Variants in TSG101 observed in about 807,000 individuals in gnomAD.
TSG101 encodes tumor susceptibility 101.
Under a neutral mutation model 48.5 loss-of-function variants are expected in TSG101, and 19 were observed. The observed-to-expected ratio is 0.39, with a 90% CI of 0.27 to 0.58. The LOEUF (loss-of-function observed/expected upper bound fraction) is 0.58. TSG101 is among the 20% of genes least tolerant of loss of function. The probability of loss-of-function intolerance (pLI) is 0.55; values close to 1 mark genes in which losing one functional copy is unlikely to be tolerated. For missense variants in TSG101, 365 were observed against 484.4 expected, an observed-to-expected ratio of 0.75 and a Z score of 2.31; for synonymous variants, 174 against 169.4, an observed-to-expected ratio of 1.03 and a Z score of -0.21.
At chr11:18,481,153 T>G (rs1849531790) in intron 9 of TSG101, among the ~76,000 whole-genome samples, 4 of 152,220 alleles carry the variant, frequency 2.6e-5, no homozygotes, top group Admixed American at 2.6e-4. Context: ...GATTTTCCTC[T>G]GTACAACAGC....
At chr11:18,487,881 TA>T (rs1849643697) in intron 7 of TSG101, among the ~76,000 whole-genome samples, 2 of 151,996 alleles carry the variant, frequency 1.3e-5, no homozygotes, top group Non-Finnish European at 2.9e-5. Flanking sequence ...TTTTTTTTTG[TA>T]TTTGGGTATT....
rs924147201 is a variant in TSG101, at chr11:18,514,618, G to C, written c.357+60C>G. The C allele has an allele frequency of 4.3e-6, 6 of 1,405,160 alleles. No homozygotes were observed. The African/African-American group carries it at 7.5e-5, about 17-fold the overall frequency. 87.0% of individuals were successfully genotyped at this position (1,405,160 alleles called of 1,614,324 possible). On this transcript the variant is annotated intron_variant, in intron 4 of 9. Transcript: ENST00000251968. ...CCTCCTTGAGTGCTAAAAGAAAGCA[G>C]ATGCTAGTGAGCAAAATATATAAAA...
intron 1 of TSG101, among the ~76,000 whole-genome samples, chr11:18,526,404 G>A (rs975541729): frequency 6.6e-6 from 1 of 152,164 alleles, no homozygotes; most frequent in East Asian, 1.9e-4. Context: ...AGGAGTAGAG[G>A]ATTGCCTCAG....
chr11:18,485,468 G>A (rs1246678842), intron 7 of TSG101, among the ~76,000 whole-genome samples: 1 of 152,142 alleles, frequency 6.6e-6, no homozygotes, highest in African/African-American at 2.4e-5. Flanking sequence ...ATGATCTCCT[G>A]AAATCAACAG....
In TSG101 at chr11:18,514,854, T is replaced by G. The variant is rs1036848114; in HGVS notation, c.194-13A>C. ...TTGTATGTATTACCTGAAAAAGAAA[T>G]AGAAACTTCAGTTACTCTATTTTTA... On this transcript the variant is annotated splice_polypyrimidine_tract_variant and intron_variant, in intron 3 of 9. Coordinates refer to ENST00000251968, the MANE Select transcript of TSG101 (RefSeq NM_006292.4). 10 of 1,527,800 alleles carry G rather than the reference T, an allele frequency of 6.5e-6. No individual in the cohort carries two copies. The Admixed American group carries it at 1.0e-4, about 16-fold the overall frequency. 94.6% of individuals were successfully genotyped at this position (1,527,800 alleles called of 1,614,324 possible).
At chr11:18,504,025 G>A (rs528963769) in intron 6 of TSG101, among the ~76,000 whole-genome samples, 5 of 151,936 alleles carry the variant, frequency 3.3e-5, no homozygotes, top group East Asian at 3.9e-4. Flanking sequence ...ACAACATGGC[G>A]AAACCATTTC....
At chr11:18,487,035 T>A (rs1314508535) in intron 7 of TSG101, among the ~76,000 whole-genome samples, 1 of 147,704 alleles carries the variant, frequency 6.8e-6, no homozygotes, top group African/African-American at 2.5e-5. Context: ...AACCAAACAC[T>A]GCATGTTCTC....
At chr11:18,521,784 C>T (rs1850282769) in intron 1 of TSG101, among the ~76,000 whole-genome samples, 1 of 150,080 alleles carries the variant, frequency 6.7e-6, no homozygotes, top group African/African-American at 2.5e-5. Flanking sequence ...TCAAGCAATC[C>T]TCCCATCTCA....
chr11:18,517,116 G>C (rs914004248), intron 2 of TSG101, among the ~76,000 whole-genome samples: 1 of 151,696 alleles, frequency 6.6e-6, no homozygotes, highest in Non-Finnish European at 1.5e-5. Context: ...TCAAACTCTA[G>C]GCTCAAGCAA....
rs564546749 is a variant in TSG101 at position 18,512,655 on chromosome 11, G to C, written c.357+2023C>G. On this transcript the variant is annotated intron_variant, in intron 4 of 9. Transcript: ENST00000251968. ...TCTATATATTATCTTCTTCCAGCAA[G>C]GGTTCACCCTATCCTGTGGCAGGCA... 3.3e-5 allele frequency among the ~76,000 whole-genome samples: 5 copies of C among 151,724 alleles called. No homozygotes were observed. The South Asian group carries it at 1.0e-3, about 32-fold the overall frequency.
At chr11:18,523,602 A>G (rs1850316943) in intron 1 of TSG101, among the ~76,000 whole-genome samples, 1 of 152,162 alleles carries the variant, frequency 6.6e-6, no homozygotes, top group African/African-American at 2.4e-5. Flanking sequence ...TCCCAGGTTC[A>G]GGCAATTCTC....
chr11:18,482,530 A>G (rs1227592406), intron 8 of TSG101, among the ~76,000 whole-genome samples: 1 of 152,190 alleles, frequency 6.6e-6, no homozygotes, highest in East Asian at 1.9e-4. Flanking sequence ...ATTCTCCCTC[A>G]TGGGGATGAA....
At chr11:18,499,453 C>T (rs1849853313) in intron 7 of TSG101, among the ~76,000 whole-genome samples, 1 of 98,172 alleles carries the variant, frequency 1.0e-5, no homozygotes, top group Non-Finnish European at 1.9e-5. Context: ...CTCTATTGCC[C>T]AGGCTGGAGT....
chr11:18,503,821 C>A (rs956885292), intron 6 of TSG101, among the ~76,000 whole-genome samples: 3 of 152,092 alleles, frequency 2.0e-5, no homozygotes, highest in Non-Finnish European at 4.4e-5. Context: ...GTTAGTTAGA[C>A]AATAAATCTC....
chr11:18,510,161 C>A (rs189115888), intron 4 of TSG101, among the ~76,000 whole-genome samples: 17 of 152,300 alleles, frequency 1.1e-4, no homozygotes, highest in Admixed American at 9.8e-4. Flanking sequence ...TGGTTCACAC[C>A]TGTAATCCCA....
chr11:18,494,237 G>T (rs1230555233), intron 7 of TSG101, among the ~76,000 whole-genome samples: 1 of 152,158 alleles, frequency 6.6e-6, no homozygotes. Flanking sequence ...CATAAAAGAT[G>T]AAAGATGCTA....
chr11:18,502,007 G>A (rs1424115854), intron 7 of TSG101, among the ~76,000 whole-genome samples: 2 of 152,236 alleles, frequency 1.3e-5, no homozygotes, highest in Non-Finnish European at 2.9e-5. Flanking sequence ...GAAGGCTGGA[G>A]TCTAAAGAAA....
rs1250053332 is a variant in TSG101, at chr11:18,508,867, C to T, written c.481+675G>A. The T allele has an allele frequency of 2.0e-5, 3 of 148,394 alleles. No homozygotes were observed. In the East Asian group the frequency reaches 5.8e-4, roughly 29 times the overall value. The allele number at this position is 148,394 out of a possible 1,614,324, so 9.2% of individuals were successfully genotyped here. A position where few individuals can be genotyped will look rare whatever the true frequency, so the allele number is the denominator to read the frequency against. On this transcript the variant is annotated intron_variant, in intron 5 of 9. Coordinates refer to ENST00000251968, the MANE Select transcript of TSG101 (RefSeq NM_006292.4). ...TACCAAAAAAAAAAAAGTCACAGCT[C>T]AAAACACAGTGAAATCAATGCAGAT...
intron 7 of TSG101, among the ~76,000 whole-genome samples, chr11:18,491,774 C>T (rs900788348): frequency 6.6e-6 from 1 of 152,318 alleles, no homozygotes. Flanking sequence ...AGAGTATTTT[C>T]TTACCTAATC....
Sources: gnomAD v4.1 joint callset for allele counts (sites outside exome capture counted in the v4.1 genomes callset) on GRCh38, gnomAD v4.1.1 for gene constraint, MANE v1.5 for transcripts, NCBI Gene and HGNC (gene_info 2026-07-23, HGNC 2026-07-21) for gene names.